MYSM1: variants seen among roughly 807,000 people sequenced by gnomAD.
The protein encoded by MYSM1 is Myb like, SWIRM and MPN domains 1, also known as deubiquitinase MYSM1.
MYSM1 carries 51 observed loss-of-function variants against 116.0 expected under a neutral mutation model. That is an observed-to-expected ratio of 0.44 (90% CI 0.35 to 0.56). MYSM1 has a LOEUF of 0.56. Among genes scored for constraint, MYSM1 ranks in the 20% least tolerant of loss-of-function variants. MYSM1 has a pLI of 0.00. For synonymous variants in MYSM1, 313 were observed against 315.2 expected (o/e 0.99, Z 0.07); for missense variants, 900 against 974.9 (o/e 0.92, Z 1.02).
intron 1 of MYSM1, 137 bp from the exon 2 acceptor site, chr1:58,695,344 T>A: frequency 3.7e-6 from 2 of 542,158 alleles, no homozygotes; most frequent in Non-Finnish European, 6.6e-6. Flanking sequence ...ACAAACAGAT[T>A]TAACATTGTG....
Position 58,682,396 on chromosome 1 carries a change from C to G in MYSM1, c.648G>C (p.Lys216Asn). 1 of 1,614,192 alleles carries G rather than the reference C, an allele frequency of 6.2e-7. No homozygotes were observed. Among genetic ancestry groups the G allele is most frequent in the Non-Finnish European group, 8.5e-7 (1 of 1,180,038 alleles). The change falls in exon 8 of 20, where the codon AAG becomes AAC. Residue 216 changes from lysine to asparagine, a missense_variant. Transcript: ENST00000472487. The part of the protein sequence containing the change: ...DPNLNAVKIE[K>N]LSDDEEVDIT... ...TGTCTACTTCTTCATCATCAGATAA[C>G]TTTTCAATTTTTACAGCATTCAAGT...
chr1:58,685,036 T>C (rs1237793583), intron 7 of MYSM1, 117 bp downstream of exon 7: 1 of 762,044 alleles, frequency 1.3e-6, no homozygotes. Context: ...TATGTGGGTA[T>C]AAAATACTTT....
chr1:58,667,074 A>C lies in MYSM1; in HGVS notation c.1995T>G (p.Pro665=). 6.2e-7 allele frequency: 1 copy of C among 1,612,504 alleles called. No individual in the cohort carries two copies. Among genetic ancestry groups the C allele is most frequent in the Non-Finnish European group, 8.5e-7 (1 of 1,179,102 alleles). The change falls in exon 16 of 20, where the codon CCT becomes CCG. Residue 665 remains proline (P), a synonymous_variant. Coordinates refer to ENST00000472487, the MANE Select transcript of MYSM1 (RefSeq NM_001085487.3). ...CTTGTGTGTCAATATCTCGTAAGGA[A>C]GGATTAGGATCAAAAGCAGGATGAG... The part of the protein sequence containing the change: ...YHSHPAFDPN[P]SLRDIDTQAK...
At chr1:58,680,330 A>G (rs1371903319) in intron 8 of MYSM1, among the ~76,000 whole-genome samples, 1 of 152,232 alleles carries the variant, frequency 6.6e-6, no homozygotes, top group East Asian at 1.9e-4. Context: ...ATCATTCTTT[A>G]TCAAATAAAC....
At position 58,698,102 on chromosome 1, in the gene MYSM1, A is replaced by ATATTTTTTTTTTTTTTT; in HGVS notation, c.68+1882_68+1883insAAAAAAAAAAAAAAATA. On this transcript the variant is annotated intron_variant, in intron 1 of 19. Transcript: ENST00000472487. ...TATCAGACTATATATATATATATAT[A>ATATTTTTTTTTTTTTTT]TTTTTTTTTTTTTTTTGAGACAGAG... Among the ~76,000 whole-genome samples, 32 of 7,770 alleles carry ATATTTTTTTTTTTTTTT rather than the reference A, an allele frequency of 4.1e-3. 2 individuals are homozygous for ATATTTTTTTTTTTTTTT. The highest frequency in any genetic ancestry group is 6.9e-3 in the African/African-American group (27 of 3,892). The allele number at this position is 7,770 out of a possible 152,430, so 5.1% of individuals were successfully genotyped here.
intron 17 of MYSM1, among the ~76,000 whole-genome samples, chr1:58,662,975 CTAT>C (rs1285889762): frequency 1.3e-5 from 2 of 152,120 alleles, no homozygotes; most frequent in African/African-American, 4.8e-5. Flanking sequence ...CACTGAAAAC[CTAT>C]TATTTGCTAA....
intron 8 of MYSM1, among the ~76,000 whole-genome samples, chr1:58,678,927 A>G (rs1215969101): frequency 6.6e-6 from 1 of 152,154 alleles, no homozygotes; most frequent in Non-Finnish European, 1.5e-5. Context: ...TGACCTGGAA[A>G]AGTTTTTTAT....
At chr1:58,673,321 C>G (rs933086949) in intron 11 of MYSM1, among the ~76,000 whole-genome samples, 1 of 152,150 alleles carries the variant, frequency 6.6e-6, no homozygotes, top group Non-Finnish European at 1.5e-5. Flanking sequence ...TCTTGACACC[C>G]TTATCTTGAG....
rs764152513 is a variant in MYSM1 at position 58,677,008 on chromosome 1, G to C, written c.1308C>G (p.Gly436=). 1.7e-5 allele frequency: 28 copies of C among 1,611,214 alleles called. No individual in the cohort carries two copies. Among genetic ancestry groups the C allele is most frequent in the Non-Finnish European group, 2.3e-5 (27 of 1,178,720 alleles). Residue 436 remains glycine (G), a synonymous_variant, in exon 9 of 20, where the codon GGC becomes GGG. Transcript: ENST00000472487. ...AATTAACATCTCCACAGTTCTTCAG[G>C]CCAGGACGTACTGAGGTCTTATTTA... ...KYLNKTSVRP[G]LKNCGDVNCI... is the part of the protein sequence containing the mutation.
chr1:58,679,825 C>G lies in MYSM1; in HGVS notation c.1259+1960G>C, dbSNP rs1569761447. Among the ~76,000 whole-genome samples, 5 of 151,974 alleles carry G rather than the reference C, an allele frequency of 3.3e-5. 1 individual carries two copies. The highest frequency in any genetic ancestry group is 2.4e-5 in the African/African-American group (1 of 41,418). Reference sequence around the variant, plus strand: ...AGTGGATTACCTGAGGTCAGGAGTTCTAGACCAGCCTGGCCAATGTGGTGA... The same window carrying G: ...AGTGGATTACCTGAGGTCAGGAGTTGTAGACCAGCCTGGCCAATGTGGTGA... On this transcript the variant is annotated intron_variant, in intron 8 of 19. Transcript: ENST00000472487.
intron 12 of MYSM1, 96 bp from the exon 13 acceptor site, chr1:58,669,134 C>A: frequency 1.2e-6 from 1 of 834,304 alleles, no homozygotes; most frequent in Non-Finnish European, 1.8e-6. Context: ...AATCTAAACC[C>A]AAATTCTGTC....
In MYSM1 at chr1:58,677,047, G is replaced by A. The variant is rs774960750; in HGVS notation, c.1269C>T (p.Cys423=). The A allele has an allele frequency of 4.1e-5, 66 of 1,600,264 alleles. No homozygotes were observed. The highest frequency in any genetic ancestry group is 4.8e-5 in the Non-Finnish European group (56 of 1,174,022). Residue 423 remains cysteine (C), a synonymous_variant, in exon 9 of 20, where the codon TGC becomes TGT. Transcript: ENST00000472487. ...RNYILDQWEI[C]KPKYLNKTSV... is the part of the protein sequence containing the mutation. ...AGGTCTTATTTAAGTATTTTGGTTT[G>A]CATATCTCCCTAATTAAGAGACAGA...
intron 8 of MYSM1, among the ~76,000 whole-genome samples, chr1:58,678,171 T>C (rs1644682306): frequency 6.6e-6 from 1 of 152,096 alleles, no homozygotes; most frequent in South Asian, 2.1e-4. Context: ...TAGACTACTT[T>C]AGATAGATAG....
intron 7 of MYSM1, among the ~76,000 whole-genome samples, chr1:58,683,405 A>G (rs1445758260): frequency 6.6e-6 from 1 of 152,166 alleles, no homozygotes; most frequent in Non-Finnish European, 1.5e-5. Context: ...GACAACAGAA[A>G]ACAAACTGTC....
chr1:58,692,424 T>C (rs1184509393), intron 3 of MYSM1: 1 of 152,962 alleles, frequency 6.5e-6, no homozygotes, highest in Non-Finnish European at 1.5e-5. Context: ...GTATTTGTTT[T>C]GTGCTTTTTA....
At chr1:58,669,537 G>A (rs557049040) in intron 12 of MYSM1, among the ~76,000 whole-genome samples, 1 of 152,232 alleles carries the variant, frequency 6.6e-6, no homozygotes, top group South Asian at 2.1e-4. Context: ...CTCTTCAAGT[G>A]AAAAAGTGGC....
At chr1:58,660,447 A>G (rs1413933435) in intron 19 of MYSM1, among the ~76,000 whole-genome samples, 1 of 152,086 alleles carries the variant, frequency 6.6e-6, no homozygotes, top group Non-Finnish European at 1.5e-5. Context: ...ACTTTTCTCC[A>G]TTTGTAGTTA....
chr1:58,673,193 A>T (rs1644589493), intron 11 of MYSM1, among the ~76,000 whole-genome samples: 1 of 148,406 alleles, frequency 6.7e-6, no homozygotes, highest in Non-Finnish European at 1.5e-5. Context: ...TGTTACAAAA[A>T]ATATATATAT....
intron 9 of MYSM1, 136 bp downstream of exon 9, chr1:58,676,790 T>C (rs999070763): frequency 2.0e-4 from 165 of 839,318 alleles, no homozygotes; most frequent in Middle Eastern, 7.9e-4. Flanking sequence ...TAATAAAACA[T>C]TTATTAAATA....
Sources: allele counts gnomAD v4.1 joint callset (sites outside exome capture counted in the v4.1 genomes callset), GRCh38; gene constraint gnomAD v4.1.1; transcripts MANE v1.5; gene names NCBI Gene and HGNC (gene_info 2026-07-23, HGNC 2026-07-21).